The following PPM1L variants were observed in gnomAD, a reference collection of about 807,000 sequenced individuals.
PPM1L encodes protein phosphatase 1L.
In PPM1L, 13 loss-of-function variants were observed where a neutral mutation model predicts 31.4. The ratio of observed to expected loss-of-function variants is 0.41; its 90% CI spans 0.27 to 0.66. The LOEUF (loss-of-function observed/expected upper bound fraction) is 0.66, where lower values mean the gene tolerates loss of function less well. Among genes scored for constraint, PPM1L ranks in the 30% least tolerant of loss-of-function variants. PPM1L has a pLI of 0.29. For synonymous variants in PPM1L, 184 were observed against 175.4 expected (o/e 1.05, Z -0.39); for missense variants, 326 against 453.7 (o/e 0.72, Z 2.56).
intron 1 of PPM1L, among the ~76,000 whole-genome samples, chr3:160,882,478 G>T (rs754266318): frequency 9.2e-5 from 14 of 152,174 alleles, no homozygotes; most frequent in Non-Finnish European, 1.6e-4. Context: ...ATTAGTTTTT[G>T]AGTAGGTTCT....
chr3:160,846,004 A>G (rs1184972955), intron 1 of PPM1L, among the ~76,000 whole-genome samples: 1 of 152,090 alleles, frequency 6.6e-6, no homozygotes, highest in Non-Finnish European at 1.5e-5. Context: ...TTCCAATTGC[A>G]AAAAGAAGAT....
At chr3:160,969,884 T>C in intron 2 of PPM1L, among the ~76,000 whole-genome samples, 1 of 152,324 alleles carries the variant, frequency 6.6e-6, no homozygotes, top group Middle Eastern at 3.4e-3. Context: ...CTTTAGAACA[T>C]TTTTTAAACG....
chr3:161,027,662 T>C (rs1440143631), intron 2 of PPM1L, among the ~76,000 whole-genome samples: 4 of 152,178 alleles, frequency 2.6e-5, no homozygotes, highest in Non-Finnish European at 4.4e-5. Flanking sequence ...GAATTCAAGA[T>C]GCGATTTGGG....
intron 1 of PPM1L, among the ~76,000 whole-genome samples, chr3:160,839,220 A>G (rs1386708791): frequency 1.3e-5 from 2 of 152,254 alleles, no homozygotes; most frequent in South Asian, 2.1e-4. Context: ...AAAACAGACT[A>G]AGACAACTTA....
At chr3:160,813,327 A>T (rs1712866577) in intron 1 of PPM1L, among the ~76,000 whole-genome samples, 1 of 152,122 alleles carries the variant, frequency 6.6e-6, no homozygotes. Flanking sequence ...TTAAAAAAAT[A>T]TGCATTACTT....
intron 1 of PPM1L, among the ~76,000 whole-genome samples, chr3:160,848,283 T>C (rs1367593867): frequency 1.3e-5 from 2 of 152,186 alleles, no homozygotes; most frequent in Non-Finnish European, 2.9e-5. Flanking sequence ...TATTCCCTTC[T>C]TAGTACATCC....
intron 1 of PPM1L, among the ~76,000 whole-genome samples, chr3:160,911,862 A>G (rs1246949620): frequency 6.6e-6 from 1 of 152,194 alleles, no homozygotes; most frequent in African/African-American, 2.4e-5. Flanking sequence ...ACCATTTGGC[A>G]TTGGTTCCAT....
chr3:160,896,961 TTGAC>T (rs1713353528), intron 1 of PPM1L, among the ~76,000 whole-genome samples: 1 of 152,216 alleles, frequency 6.6e-6, no homozygotes. Flanking sequence ...TGTCTTTCCT[TTGAC>T]TGTTAACACC....
intron 2 of PPM1L, among the ~76,000 whole-genome samples, chr3:160,987,355 C>T (rs1206654505): frequency 6.6e-6 from 1 of 152,182 alleles, no homozygotes; most frequent in Non-Finnish European, 1.5e-5. Context: ...CAGCCAGATT[C>T]TAGTCTGAAT....
rs559824514 is a variant in PPM1L at position 160,873,207 on chromosome 3, AAGG to A, written c.400-88528_400-88526del. ...AGGCAAAGAGAGTCTTTCTGTCACC[AAGG>A]TATTCTAGGTTCTAACAAGCATATG... On this transcript the variant is annotated intron_variant, in intron 1 of 3. Transcript: ENST00000498165. Among the ~76,000 whole-genome samples the A allele has an allele frequency of 8.6e-4, 131 of 152,314 alleles. 1 individual carries two copies. The South Asian group carries it at 0.017, about 19-fold the overall frequency.
At chr3:161,025,133 GTA>G (rs1264780595) in intron 2 of PPM1L, among the ~76,000 whole-genome samples, 1 of 152,154 alleles carries the variant, frequency 6.6e-6, no homozygotes, top group East Asian at 1.9e-4. Flanking sequence ...AGTCTCTTAT[GTA>G]TAGGTGCTAT....
At chr3:161,001,162 AT>A (rs1363381348) in intron 2 of PPM1L, among the ~76,000 whole-genome samples, 2 of 152,202 alleles carry the variant, frequency 1.3e-5, no homozygotes. Flanking sequence ...ATCACAAACT[AT>A]TTAAATTTAG....
At chr3:160,919,872 T>C (rs2108070300) in intron 1 of PPM1L, among the ~76,000 whole-genome samples, 1 of 152,306 alleles carries the variant, frequency 6.6e-6, no homozygotes, top group Admixed American at 6.5e-5. Flanking sequence ...TTTCTTTTTA[T>C]TACTTAAATT....
chr3:160,933,705 A>G (rs1397199047), intron 1 of PPM1L, among the ~76,000 whole-genome samples: 1 of 152,074 alleles, frequency 6.6e-6, no homozygotes, highest in Non-Finnish European at 1.5e-5. Flanking sequence ...TCACAGCTTC[A>G]AATATTGCAT....
intron 1 of PPM1L, among the ~76,000 whole-genome samples, chr3:160,877,546 C>A (rs1002066920): frequency 1.3e-3 from 87 of 64,982 alleles, no homozygotes; most frequent in Non-Finnish European, 3.1e-3. Flanking sequence ...TTGTCTCATG[C>A]CAAGGAAATA....
At chr3:160,760,940 C>T (rs1714953733) in intron 1 of PPM1L, among the ~76,000 whole-genome samples, 1 of 152,134 alleles carries the variant, frequency 6.6e-6, no homozygotes, top group African/African-American at 2.4e-5. Context: ...AGGGAGAAGC[C>T]ATACTTCAAG....
chr3:160,769,723 A>G (rs1013689413), intron 1 of PPM1L, among the ~76,000 whole-genome samples: 5 of 151,892 alleles, frequency 3.3e-5, no homozygotes, highest in African/African-American at 7.3e-5. Context: ...TTACTTTACT[A>G]TCTCCTGTTT....
chr3:160,785,228 G>T lies in PPM1L; in HGVS notation c.399+28521G>T, dbSNP rs115351217. On this transcript the variant is annotated intron_variant, in intron 1 of 3. Transcript: ENST00000498165. ...TAAGTATCCACATTTTTATAGAAAA[G>T]AATTTTAAAGTTCATTTCTTAGAAT... Among the ~76,000 whole-genome samples the T allele has an allele frequency of 7.3e-3, 1,114 of 152,128 alleles. 11 individuals are homozygous for T. Among genetic ancestry groups the T allele is most frequent in the African/African-American group, 0.026 (1,078 of 41,508 alleles).
intron 1 of PPM1L, among the ~76,000 whole-genome samples, chr3:160,936,001 G>A (rs1714958326): frequency 6.6e-6 from 1 of 152,184 alleles, no homozygotes; most frequent in Non-Finnish European, 1.5e-5. Flanking sequence ...ACTTACCTGG[G>A]TCAAGGGTGT....
Sources: gnomAD v4.1 joint callset for allele counts (sites outside exome capture counted in the v4.1 genomes callset) on GRCh38, gnomAD v4.1.1 for gene constraint, MANE v1.5 for transcripts, NCBI Gene and HGNC (gene_info 2026-07-23, HGNC 2026-07-21) for gene names.